The following PIK3CA variants were observed in gnomAD, a reference collection of about 807,000 sequenced individuals.
The protein encoded by PIK3CA is phosphatidylinositol 4,5-bisphosphate 3-kinase catalytic subunit alpha isoform.
Under a neutral mutation model 138.2 loss-of-function variants are expected in PIK3CA, and 27 were observed. The observed-to-expected ratio is 0.20, with a 90% CI of 0.14 to 0.27. The LOEUF is 0.27. Among genes scored for constraint, PIK3CA ranks in the 10% least tolerant of loss-of-function variants. The pLI, the probability that PIK3CA is intolerant of heterozygous loss-of-function variation, is 1.00. For missense variants in PIK3CA, 544 were observed against 1,277.4 expected, an observed-to-expected ratio of 0.43 and a Z score of 8.75; for synonymous variants, 358 against 413.2, an observed-to-expected ratio of 0.87 and a Z score of 1.62.
rs886945904 is a variant in PIK3CA, at chr3:179,234,719, G to GT, written c.*363dup. On this transcript the variant is annotated 3_prime_UTR_variant, in exon 21 of 21. Coordinates refer to ENST00000263967, the MANE Select transcript of PIK3CA (RefSeq NM_006218.4). This position sits in a 1 kb window ranked among gnomAD's most constrained non-coding sequence, Gnocchi z 5.1. ...AATGATGGAGAAGGAAAAAGTGATGGTTTTTTTTGTCTTGCAAATGTTCTA... is the reference window on the plus strand; with the variant it reads ...AATGATGGAGAAGGAAAAAGTGATGGTTTTTTTTTGTCTTGCAAATGTTCTA... 18 of 241,502 alleles carry GT rather than the reference G, an allele frequency of 7.5e-5. No individual in the cohort carries two copies. The highest frequency in any genetic ancestry group is 1.1e-4 in the Non-Finnish European group (14 of 124,268). The allele number at this position is 241,502 out of a possible 1,614,324, so 15.0% of individuals were successfully genotyped here.
chr3:179,166,013 C>A (rs1244606364), intron 1 of PIK3CA, among the ~76,000 whole-genome samples: 1 of 151,964 alleles, frequency 6.6e-6, no homozygotes, highest in African/African-American at 2.4e-5. Flanking sequence ...CTTTTCATAC[C>A]TTCCTCACTA....
intron 1 of PIK3CA, among the ~76,000 whole-genome samples, chr3:179,149,102 A>T (rs1722939111): frequency 6.6e-6 from 1 of 152,070 alleles, no homozygotes; most frequent in Non-Finnish European, 1.5e-5. Context: ...TTTGCCTCTT[A>T]CTGGGTTTAA....
At position 179,203,659 on chromosome 3, in the gene PIK3CA, G is replaced by A. The variant is rs2108392920; in HGVS notation, c.929G>A (p.Arg310His). 6.2e-7 allele frequency: 1 copy of A among 1,613,778 alleles called. No individual in the cohort carries two copies. Among genetic ancestry groups the A allele is most frequent in the Non-Finnish European group, 8.5e-7 (1 of 1,179,946 alleles). The change falls in exon 5 of 21, where the codon CGC becomes CAC. Residue 310 changes from arginine to histidine, a missense_variant. Arg to His is a conservative substitution (Grantham distance 29). Transcript: ENST00000263967. ...TTTACAATGCCATCTTATTCCAGAC[G>A]CATTTCCACAGCTACACCATATATG... ...DCFTMPSYSR[R>H]ISTATPYMNG... is the part of the protein sequence containing the mutation.
At chr3:179,153,574 A>G (rs1301029772) in intron 1 of PIK3CA, among the ~76,000 whole-genome samples, 6 of 152,210 alleles carry the variant, frequency 3.9e-5, no homozygotes, top group Non-Finnish European at 8.8e-5. Context: ...AATGAATTTT[A>G]TGTTTAGACT....
intron 1 of PIK3CA, among the ~76,000 whole-genome samples, chr3:179,161,448 G>A (rs941053719): frequency 5.9e-5 from 9 of 152,206 alleles, no homozygotes; most frequent in African/African-American, 2.2e-4. Context: ...TGTAATTCCA[G>A]CACTTTGGGA....
At chr3:179,150,161 G>T (rs2108346207) in intron 1 of PIK3CA, among the ~76,000 whole-genome samples, 2 of 132,244 alleles carry the variant, frequency 1.5e-5, no homozygotes, top group South Asian at 5.2e-4. Context: ...AGAGGACTGT[G>T]TGTGTTTACG....
intron 9 of PIK3CA, among the ~76,000 whole-genome samples, chr3:179,217,293 T>C (rs890848321): frequency 9.9e-5 from 15 of 152,156 alleles, no homozygotes; most frequent in African/African-American, 3.6e-4. Context: ...AATTTTCCAA[T>C]ATTTTTATTT....
chr3:179,183,270 A>G (rs768775904), intron 1 of PIK3CA, among the ~76,000 whole-genome samples: 3 of 152,208 alleles, frequency 2.0e-5, no homozygotes, highest in Admixed American at 6.5e-5. Context: ...ATCAGGATAT[A>G]AAGTTATTGT....
intron 1 of PIK3CA, among the ~76,000 whole-genome samples, chr3:179,187,294 T>C (rs1054945348): frequency 4.6e-5 from 7 of 151,876 alleles, no homozygotes; most frequent in African/African-American, 1.5e-4. Context: ...TCCCAGCACT[T>C]TGGGAGGCCG....
chr3:179,233,851 G>T (rs1345461301), intron 20 of PIK3CA, among the ~76,000 whole-genome samples: 1 of 152,242 alleles, frequency 6.6e-6, no homozygotes. Flanking sequence ...CTCCTGACAT[G>T]CCAGGCATTG....
chr3:179,190,898 GGGA>G (rs1435797921), intron 1 of PIK3CA, among the ~76,000 whole-genome samples: 1 of 152,198 alleles, frequency 6.6e-6, no homozygotes, highest in East Asian at 1.9e-4. Context: ...GGAGGGTGAG[GGGA>G]AGAACTGTAC....
At position 179,226,140 on chromosome 3, in the gene PIK3CA, A is replaced by T. The variant is rs1393366491; in HGVS notation, c.2495+100A>T. ...TATAGAGGCATATGTCTAAAAAGAA[A>T]TGTATGCAGTAATTATCAGTAGTTG... On this transcript the variant is annotated intron_variant, in intron 17 of 20. Coordinates refer to ENST00000263967, the MANE Select transcript of PIK3CA (RefSeq NM_006218.4). The T allele has an allele frequency of 3.1e-5, 20 of 638,514 alleles. 1 individual carries two copies. In the East Asian group the frequency reaches 5.5e-4, roughly 18 times the overall value. 39.6% of individuals were successfully genotyped at this position (638,514 alleles called of 1,614,324 possible).
intron 1 of PIK3CA, among the ~76,000 whole-genome samples, chr3:179,157,781 A>G (rs1723176487): frequency 2.6e-5 from 4 of 152,084 alleles, no homozygotes; most frequent in African/African-American, 9.7e-5. Flanking sequence ...TATATCTCAT[A>G]ATGATTAAGA....
At chr3:179,228,384 C>A (rs775966261) in intron 17 of PIK3CA, among the ~76,000 whole-genome samples, 2 of 151,912 alleles carry the variant, frequency 1.3e-5, no homozygotes, top group African/African-American at 2.4e-5. Context: ...GCAAGAAAGA[C>A]AAATTGATTT....
intron 4 of PIK3CA, 107 bp from the exon 5 acceptor site, chr3:179,203,437 A>AT (rs994423754): frequency 1.4e-5 from 15 of 1,071,408 alleles, no homozygotes; most frequent in Non-Finnish European, 1.7e-5. Flanking sequence ...ATAATGTTTA[A>AT]TTTTTTATCA....
intron 1 of PIK3CA, among the ~76,000 whole-genome samples, chr3:179,158,975 C>A (rs1215600782): frequency 6.6e-6 from 1 of 152,092 alleles, no homozygotes; most frequent in Admixed American, 6.5e-5. Context: ...GATGGTCATG[C>A]AGGGTAACTT....
Position 179,221,049 on chromosome 3 carries a change from T to C in PIK3CA, c.2079T>C (p.Arg693=). Residue 693 remains arginine, a synonymous_variant, in exon 14 of 21, where the codon CGT becomes CGC. Coordinates refer to ENST00000263967, the MANE Select transcript of PIK3CA (RefSeq NM_006218.4). ...RFGLLLESYC[R]ACGMYLKHLN... ...GCCTGCTTTTGGAGTCCTATTGTCGTGCATGTGGGATGTATTTGAAGCACC... is the reference window on the plus strand; with the variant it reads ...GCCTGCTTTTGGAGTCCTATTGTCGCGCATGTGGGATGTATTTGAAGCACC... 2 of 1,613,124 alleles carry C rather than the reference T, an allele frequency of 1.2e-6. No homozygotes were observed. Among genetic ancestry groups the C allele is most frequent in the Non-Finnish European group, 1.7e-6 (2 of 1,179,258 alleles).
intron 1 of PIK3CA, among the ~76,000 whole-genome samples, 197 bp downstream of exon 1, chr3:179,148,800 A>C (rs528651622): frequency 6.6e-6 from 1 of 152,142 alleles, no homozygotes; most frequent in African/African-American, 2.4e-5. Context: ...CTAGCTGCAG[A>C]GGCGAGGGCT....
chr3:179,163,494 C>CA (rs950752016), intron 1 of PIK3CA, among the ~76,000 whole-genome samples: 36 of 151,768 alleles, frequency 2.4e-4, no homozygotes, highest in African/African-American at 8.7e-4. Context: ...TTTAAAAAAA[C>CA]AAAAAAAGAA....
Sources: allele counts gnomAD v4.1 joint callset (sites outside exome capture counted in the v4.1 genomes callset), GRCh38; gene constraint gnomAD v4.1.1; non-coding constraint Gnocchi (gnomAD v3.1); transcripts MANE v1.5; gene names NCBI Gene and HGNC (gene_info 2026-07-23, HGNC 2026-07-21).